GTF3C1: variants seen among roughly 807,000 people sequenced by gnomAD.
The protein encoded by GTF3C1 is general transcription factor IIIC subunit 1.
Under a neutral mutation model 226.7 loss-of-function variants are expected in GTF3C1, and 57 were observed. The ratio of observed to expected loss-of-function variants is 0.25; its 90% CI spans 0.20 to 0.31. The LOEUF is 0.31. GTF3C1 is among the 10% of genes least tolerant of loss of function. GTF3C1 has a pLI of 1.00. For missense variants in GTF3C1, 2,217 were observed against 2,776.1 expected, an observed-to-expected ratio of 0.80 and a Z score of 4.53; for synonymous variants, 1,090 against 1,084.8, an observed-to-expected ratio of 1.00 and a Z score of -0.09.
rs1406588067 is a variant in GTF3C1, at chr16:27,489,262, T to A, written c.3294-84A>T. 3 of 1,462,312 alleles carry A rather than the reference T, an allele frequency of 2.1e-6. No homozygotes were observed. The South Asian group carries it at 3.6e-5, about 18-fold the overall frequency. 90.6% of individuals were successfully genotyped at this position (1,462,312 alleles called of 1,614,324 possible). ...CCCATGGCATGGGTTGAGGGACATT[T>A]ATTTATAACCAACTTTCACCTTTCC... On this transcript the variant is annotated intron_variant, in intron 20 of 36. Transcript: ENST00000356183.
At chr16:27,525,132 T>G (rs938699494) in intron 6 of GTF3C1, among the ~76,000 whole-genome samples, 1 of 147,116 alleles carries the variant, frequency 6.8e-6, no homozygotes, top group Non-Finnish European at 1.5e-5. Context: ...GCCTGGGCAA[T>G]AGAGAGAAAC....
intron 34 of GTF3C1, 111 bp downstream of exon 34, chr16:27,464,209 G>C: frequency 1.7e-6 from 1 of 594,504 alleles, no homozygotes; most frequent in Non-Finnish European, 2.6e-6. Context: ...AGCCCCTTTT[G>C]TGCCAGTGGC....
intron 6 of GTF3C1, among the ~76,000 whole-genome samples, chr16:27,523,649 C>T (rs767231212): frequency 6.6e-6 from 1 of 152,056 alleles, no homozygotes; most frequent in Non-Finnish European, 1.5e-5. Context: ...TACTCTGTTC[C>T]AAGCAGACAC....
rs1480702962 is a variant in GTF3C1 at position 27,470,414 on chromosome 16, G to C, written c.4527-19C>G. On this transcript the variant is annotated intron_variant, in intron 30 of 36. Coordinates refer to ENST00000356183, the MANE Select transcript of GTF3C1 (RefSeq NM_001520.4). The surrounding 1 kb of genome is among the most constrained non-coding windows in gnomAD (Gnocchi z 4.9). ...AAAAATCCTACAGACAAAAAGAAAG[G>C]AAGGGCCTGACTGAGGGCCAGCTGT... The C allele has an allele frequency of 9.3e-6, 15 of 1,606,996 alleles. No individual in the cohort carries two copies. Among genetic ancestry groups the C allele is most frequent in the Non-Finnish European group, 1.3e-5 (15 of 1,175,540 alleles).
chr16:27,466,064 T>G (rs1190760388), intron 32 of GTF3C1: 1 of 157,324 alleles, frequency 6.4e-6, no homozygotes, highest in Non-Finnish European at 1.4e-5. Context: ...TATCACTACA[T>G]TTTTGCCCAG....
chr16:27,481,658 C>T (rs1567390446), intron 26 of GTF3C1, among the ~76,000 whole-genome samples: 2 of 152,220 alleles, frequency 1.3e-5, no homozygotes, highest in Admixed American at 6.5e-5. Flanking sequence ...CATCTCAGTC[C>T]AGACCCAGAT....
intron 29 of GTF3C1, among the ~76,000 whole-genome samples, chr16:27,476,149 C>A (rs2087947012): frequency 6.6e-6 from 1 of 152,122 alleles, no homozygotes; most frequent in African/African-American, 2.4e-5. Context: ...AGTGTGCTCA[C>A]CATAATGAGA....
intron 26 of GTF3C1, among the ~76,000 whole-genome samples, chr16:27,481,675 A>G (rs1387167060): frequency 1.3e-5 from 2 of 152,124 alleles, no homozygotes; most frequent in African/African-American, 4.8e-5. Context: ...AGATCTGAGG[A>G]GCAAGCTGGT....
chr16:27,508,503 A>G (rs200863084), intron 8 of GTF3C1, 37 bp downstream of exon 8: 38 of 1,465,112 alleles, frequency 2.6e-5, no homozygotes, highest in Admixed American at 1.7e-5. Context: ...AGCACCTCCA[A>G]AGACAACGAG....
chr16:27,476,358 C>T (rs1348515814), intron 29 of GTF3C1, 93 bp downstream of exon 29: 2 of 748,848 alleles, frequency 2.7e-6, no homozygotes, highest in African/African-American at 1.7e-5. Flanking sequence ...AGCCCAAGAG[C>T]CCACAGCGGA....
At position 27,463,977 on chromosome 16, in the gene GTF3C1, C is replaced by T. The variant is rs536044518; in HGVS notation, c.5872+343G>A. 2 of 420,806 alleles carry T rather than the reference C, an allele frequency of 4.8e-6. No homozygotes were observed. The highest frequency in any genetic ancestry group is 8.4e-6 in the Non-Finnish European group (2 of 239,406). The allele number at this position is 420,806 out of a possible 1,614,324, so 26.1% of individuals were successfully genotyped here. A position where few individuals can be genotyped will look rare whatever the true frequency, so the allele number is the denominator to read the frequency against. ...AAGGCCGCTGCTGATGACAGACGTGCAGGAAAGGAAAGGGCGTGCTGCCAC... is the reference window on the plus strand; with the variant it reads ...AAGGCCGCTGCTGATGACAGACGTGTAGGAAAGGAAAGGGCGTGCTGCCAC... On this transcript the variant is annotated intron_variant, in intron 34 of 36. Coordinates refer to ENST00000356183, the MANE Select transcript of GTF3C1 (RefSeq NM_001520.4). The surrounding 1 kb of genome is among the most constrained non-coding windows in gnomAD (Gnocchi z 4.9).
chr16:27,486,019 G>T lies in GTF3C1; in HGVS notation c.3836C>A (p.Ala1279Asp). The T allele has an allele frequency of 6.2e-7, 1 of 1,609,898 alleles. No homozygotes were observed. The highest frequency in any genetic ancestry group is 2.2e-5 in the East Asian group (1 of 44,594). Residue 1279 changes from alanine (A) to aspartate (D), a missense_variant, in exon 24 of 37, where the codon GCC (alanine) becomes GAC (aspartate). Transcript: ENST00000356183. ...EDGLLVLCRI[A>D]SNVLNTKVKG... ...TACCTTGGTGTTGAGGACATTGCTG[G>T]CAATGCGGCACAGCACAAGCAGCCC...
chr16:27,484,923 C>G (rs189693095), intron 24 of GTF3C1, among the ~76,000 whole-genome samples: 4 of 152,306 alleles, frequency 2.6e-5, no homozygotes, highest in Non-Finnish European at 5.9e-5. Flanking sequence ...TGGTAAGCGG[C>G]GAGAGTCCAT....
chr16:27,539,949 C>T (rs563839085), intron 2 of GTF3C1, among the ~76,000 whole-genome samples: 1 of 152,276 alleles, frequency 6.6e-6, no homozygotes, highest in South Asian at 2.1e-4. Context: ...GAGGACCCCC[C>T]TTTCCCAGAT....
At chr16:27,539,593 C>G (rs970505590) in intron 2 of GTF3C1, among the ~76,000 whole-genome samples, 9 of 152,236 alleles carry the variant, frequency 5.9e-5, no homozygotes, top group African/African-American at 2.2e-4. Context: ...CCATCCCTCA[C>G]TCGTTCCTTG....
rs145091797 is a variant in GTF3C1, at chr16:27,461,538, G to A, written c.6142C>T (p.Arg2048Trp). ...LQGLESLGCIRKRWLRKPRPV... is the reference protein window; with the variant it reads ...LQGLESLGCIWKRWLRKPRPV... ...CTTGGCTTTCTCAGCCAGCGCTTCC[G>A]GATGCAGCCGAGGGACTCCAGGCCC... The change falls in exon 37 of 37, where the codon CGG (arginine) becomes TGG (tryptophan). Residue 2048 changes from arginine (R) to tryptophan (W), a missense_variant. Around this residue, in one of 12 missense-constraint regions of GTF3C1, gnomAD observed 153 missense variants for 199.8 expected, o/e 0.77. Coordinates refer to ENST00000356183, the MANE Select transcript of GTF3C1 (RefSeq NM_001520.4). The surrounding 1 kb of genome is among the most constrained non-coding windows in gnomAD (Gnocchi z 5.3). 8.8e-4 allele frequency: 1,419 copies of A among 1,613,658 alleles called. No homozygotes were observed. Among genetic ancestry groups the A allele is most frequent in the Non-Finnish European group, 1.0e-3 (1,218 of 1,179,816 alleles).
chr16:27,494,874 G>A lies in GTF3C1; in HGVS notation c.2667C>T (p.Ile889=), dbSNP rs767554379. The change falls in exon 16 of 37, where the codon ATC becomes ATT. Residue 889 remains isoleucine, a synonymous_variant. Transcript: ENST00000356183. ...AGTCCCTGTGGACTGGGATTGGGGG[G>A]ATGTAGCGCATCCACGAGGCATCGT... ...YVDDASWMRY[I]PPIPVHRDFG... 5.0e-6 allele frequency: 8 copies of A among 1,613,594 alleles called. No homozygotes were observed. The South Asian group carries it at 7.7e-5, about 16-fold the overall frequency.
At chr16:27,502,788 T>C in intron 11 of GTF3C1, 71 bp downstream of exon 11, 1 of 1,494,864 alleles carries the variant, frequency 6.7e-7, no homozygotes, top group Non-Finnish European at 9.1e-7. Context: ...GTCCATGGCT[T>C]GTGATGACCA....
chr16:27,546,729 T>C (rs1453810049), intron 1 of GTF3C1, among the ~76,000 whole-genome samples: 1 of 152,042 alleles, frequency 6.6e-6, no homozygotes, highest in Non-Finnish European at 1.5e-5. Flanking sequence ...AGCCCTTTCC[T>C]TCCTTGCCCC....
Sources: allele counts gnomAD v4.1 joint callset (sites outside exome capture counted in the v4.1 genomes callset), GRCh38; gene constraint gnomAD v4.1.1; regional missense constraint gnomAD v4.1.1; non-coding constraint Gnocchi (gnomAD v3.1); transcripts MANE v1.5; gene names NCBI Gene and HGNC (gene_info 2026-07-23, HGNC 2026-07-21).